The following CALD1 variants were observed in gnomAD, a reference collection of about 807,000 sequenced individuals.
CALD1 encodes caldesmon 1.
CALD1 carries 33 observed loss-of-function variants against 99.9 expected under a neutral mutation model. That is an observed-to-expected ratio of 0.33 (90% CI 0.25 to 0.44). The LOEUF is 0.44. Ranked by LOEUF, CALD1 falls within the 20% of genes least tolerant of loss-of-function variation. The pLI is 1.00. For synonymous variants in CALD1, 310 were observed against 325.0 expected (o/e 0.95, Z 0.50); for missense variants, 861 against 962.1 (o/e 0.89, Z 1.39).
rs191221985 is a variant in CALD1 at position 134,919,911 on chromosome 7, A to G, written c.72-8843A>G. Among the ~76,000 whole-genome samples, 10 of 152,364 alleles carry G rather than the reference A, an allele frequency of 6.6e-5. 2 individuals are homozygous for G. In the East Asian group the frequency reaches 1.9e-3, roughly 29 times the overall value. ...AAATGTCTAAACATATTCTGATATG[A>G]AAAATATTTTTATTTTCTTGATTTT... is the stretch of plus-strand genomic sequence containing the variant. On this transcript the variant is annotated intron_variant, in intron 3 of 14. Transcript: ENST00000361675.
the CALD1 span, among the ~76,000 whole-genome samples, chr7:134,735,553 C>A: frequency 6.8e-6 from 1 of 147,882 alleles, no homozygotes; most frequent in African/African-American, 2.5e-5. Context: ...TTCTTTCCCT[C>A]CCCACTACCC....
intron 1 of CALD1, among the ~76,000 whole-genome samples, chr7:134,766,828 C>T (rs1223768985): frequency 1.3e-5 from 2 of 151,846 alleles, no homozygotes; most frequent in South Asian, 2.1e-4. Flanking sequence ...GGGATCGTGG[C>T]GGGCAGACAG....
chr7:134,777,688 C>A (rs1179769964), upstream of CALD1, among the ~76,000 whole-genome samples: 1 of 152,074 alleles, frequency 6.6e-6, no homozygotes, highest in Non-Finnish European at 1.5e-5. Flanking sequence ...TGGAGAATAC[C>A]ACCTGGAGAT....
chr7:134,832,830 T>C (rs1451969954), intron 1 of CALD1, among the ~76,000 whole-genome samples: 1 of 152,280 alleles, frequency 6.6e-6, no homozygotes, highest in Non-Finnish European at 1.5e-5. Context: ...AATGTAGTTG[T>C]AGCTCTGCTC....
At chr7:134,812,764 A>G (rs1215653134) in intron 1 of CALD1, among the ~76,000 whole-genome samples, 3 of 152,208 alleles carry the variant, frequency 2.0e-5, no homozygotes, top group African/African-American at 7.2e-5. Context: ...ATTGTTAAAT[A>G]AGCAGTTGGA....
At position 134,945,071 on chromosome 7, in the gene CALD1, T is replaced by A. The variant is rs1027761531; in HGVS notation, c.1533-2437T>A. Among the ~76,000 whole-genome samples the A allele has an allele frequency of 5.9e-5, 9 of 152,322 alleles. No homozygotes were observed. In the East Asian group the frequency reaches 1.5e-3, roughly 26 times the overall value. On this transcript the variant is annotated intron_variant, in intron 7 of 14. Coordinates refer to ENST00000361675, the MANE Select transcript of CALD1 (RefSeq NM_033138.4). ...AAAAATACCAGTTCCAAAATAAAAT[T>A]TTACCATAAGGACTCTTGGGATAGC...
intron 3 of CALD1, among the ~76,000 whole-genome samples, chr7:134,888,028 G>A (rs1586207452): frequency 1.3e-5 from 2 of 152,284 alleles, no homozygotes; most frequent in Middle Eastern, 6.8e-3. Context: ...CAGATCTTGT[G>A]GTCCGGTCTC....
chr7:134,783,228 C>T lies in CALD1; in HGVS notation c.-130+3479C>T, dbSNP rs534698769. On this transcript the variant is annotated intron_variant, in intron 1 of 14. Coordinates refer to ENST00000361675, the MANE Select transcript of CALD1 (RefSeq NM_033138.4). This position sits in a 1 kb window ranked among gnomAD's most constrained non-coding sequence, Gnocchi z 4.3. Reference sequence around the variant, plus strand: ...ACGGAGCTCGCCTCTCACCTCTTTGCTTCTGTCTTTAGTGCTCCCAGCTGT... The same window carrying T: ...ACGGAGCTCGCCTCTCACCTCTTTGTTTCTGTCTTTAGTGCTCCCAGCTGT... 6.6e-6 allele frequency among the ~76,000 whole-genome samples: 1 copy of T among 152,284 alleles called. No homozygotes were observed. Among genetic ancestry groups the T allele is most frequent in the East Asian group, 1.9e-4 (1 of 5,180 alleles).
intron 3 of CALD1, chr7:134,891,542 G>GC: frequency 6.5e-7 from 1 of 1,540,450 alleles, no homozygotes; most frequent in Non-Finnish European, 8.8e-7. Context: ...CCCTCCGCGG[G>GC]CCCAGCCCAC....
chr7:134,835,657 C>T (rs1465778973), intron 1 of CALD1, among the ~76,000 whole-genome samples: 2 of 152,076 alleles, frequency 1.3e-5, no homozygotes, highest in Non-Finnish European at 1.5e-5. Flanking sequence ...ATCGTGATGA[C>T]GTGTAGCCTG....
At chr7:134,851,710 C>A (rs1161744852) in intron 2 of CALD1, among the ~76,000 whole-genome samples, 1 of 152,124 alleles carries the variant, frequency 6.6e-6, no homozygotes, top group African/African-American at 2.4e-5. Flanking sequence ...TCTTACCAAC[C>A]ATGATGGAGA....
intron 1 of CALD1, among the ~76,000 whole-genome samples, chr7:134,763,434 A>G (rs184298399): frequency 5.3e-5 from 8 of 152,270 alleles, no homozygotes; most frequent in Non-Finnish European, 1.0e-4. Context: ...AGTTTTTCAG[A>G]CAGAAATATC....
intron 1 of CALD1, among the ~76,000 whole-genome samples, chr7:134,762,468 A>T (rs1796787596): frequency 6.6e-6 from 1 of 152,210 alleles, no homozygotes; most frequent in Non-Finnish European, 1.5e-5. Flanking sequence ...GTATTAGTCC[A>T]TTCTCACATT....
the CALD1 span, among the ~76,000 whole-genome samples, chr7:134,735,987 C>T: frequency 3.4e-4 from 52 of 152,220 alleles, 1 homozygote; most frequent in East Asian, 7.5e-3. Flanking sequence ...TCTGTAAGAG[C>T]GACTCATACC....
At chr7:134,902,219 A>C (rs577597940) in intron 3 of CALD1, among the ~76,000 whole-genome samples, 1 of 152,126 alleles carries the variant, frequency 6.6e-6, no homozygotes, top group African/African-American at 2.4e-5. Context: ...GTAGGCAGGG[A>C]CTTTCTTTTT....
At chr7:134,779,846 G>A in intron 1 of CALD1, 97 bp downstream of exon 1, 1 of 395,494 alleles carries the variant, frequency 2.5e-6, no homozygotes, top group Non-Finnish European at 4.5e-6. Flanking sequence ...AGCTGGAGAT[G>A]CAAGAATGTT....
intron 1 of CALD1, among the ~76,000 whole-genome samples, chr7:134,794,731 C>T (rs1045810868): frequency 6.6e-6 from 1 of 152,156 alleles, no homozygotes; most frequent in East Asian, 1.9e-4. Flanking sequence ...AAGTGATCTG[C>T]CCGCCTCTGC....
intron 8 of CALD1, 90 bp downstream of exon 8, chr7:134,947,859 T>C (rs1807026362): frequency 6.9e-7 from 1 of 1,457,614 alleles, no homozygotes; most frequent in Non-Finnish European, 9.3e-7. Context: ...CTCTCAAAAA[T>C]ATTTTTTTAA....
chr7:134,823,808 T>G (rs1798879046), intron 1 of CALD1, among the ~76,000 whole-genome samples: 1 of 152,248 alleles, frequency 6.6e-6, no homozygotes, highest in East Asian at 1.9e-4. Context: ...TTCATGTATT[T>G]CTGCAGATTA....
Sources: allele counts gnomAD v4.1 joint callset (sites outside exome capture counted in the v4.1 genomes callset), GRCh38; gene constraint gnomAD v4.1.1; non-coding constraint Gnocchi (gnomAD v3.1); transcripts MANE v1.5; gene names NCBI Gene and HGNC (gene_info 2026-07-23, HGNC 2026-07-21).